The following PTPRD variants were observed in gnomAD, a reference collection of about 807,000 sequenced individuals.
PTPRD encodes protein tyrosine phosphatase receptor type D, also known as receptor-type tyrosine-protein phosphatase delta.
Under a neutral mutation model 214.5 loss-of-function variants are expected in PTPRD, and 34 were observed. The ratio of observed to expected loss-of-function variants is 0.16; its 90% CI spans 0.12 to 0.21. The LOEUF is 0.21. PTPRD is among the 10% of genes least tolerant of loss of function. The pLI, the probability that PTPRD is intolerant of heterozygous loss-of-function variation, is 1.00. For missense variants in PTPRD, 2,545 were observed against 2,398.7 expected (o/e 1.06, Z -1.27); for synonymous variants, 1,128 against 845.7 (o/e 1.33, Z -5.79).
intron 5 of PTPRD, among the ~76,000 whole-genome samples, chr9:9,904,477 C>T (rs991023864): frequency 6.6e-6 from 1 of 152,020 alleles, no homozygotes; most frequent in Non-Finnish European, 1.5e-5. Flanking sequence ...TCTGAATCCT[C>T]AATTAGACTG....
intron 8 of PTPRD, among the ~76,000 whole-genome samples, chr9:9,471,577 A>G (rs1317245768): frequency 1.3e-5 from 2 of 152,192 alleles, no homozygotes; most frequent in African/African-American, 2.4e-5. Context: ...CAAAATTGCT[A>G]TATTTTAAAA....
chr9:10,477,730 C>G (rs376998476), intron 2 of PTPRD, among the ~76,000 whole-genome samples: 5 of 152,042 alleles, frequency 3.3e-5, no homozygotes, highest in Non-Finnish European at 7.4e-5. Context: ...GGAACCAACC[C>G]AAATGCCCAT....
chr9:9,084,187 T>C (rs1175569402), intron 10 of PTPRD, among the ~76,000 whole-genome samples: 3 of 151,936 alleles, frequency 2.0e-5, no homozygotes, highest in African/African-American at 7.3e-5. Context: ...ATAAAGAAAA[T>C]GTGGCACATT....
intron 5 of PTPRD, among the ~76,000 whole-genome samples, chr9:9,767,658 G>T (rs1330852027): frequency 6.6e-6 from 1 of 151,854 alleles, no homozygotes; most frequent in South Asian, 2.1e-4. Flanking sequence ...ATATGTTCTG[G>T]CATTCTATCT....
intron 11 of PTPRD, among the ~76,000 whole-genome samples, chr9:8,738,415 T>A (rs989681428): frequency 4.6e-5 from 7 of 152,150 alleles, no homozygotes; most frequent in African/African-American, 1.7e-4. Flanking sequence ...GTATTAAAAT[T>A]TTCTTTAAAA....
intron 2 of PTPRD, among the ~76,000 whole-genome samples, chr9:10,453,641 T>A (rs1262248034): frequency 6.6e-6 from 1 of 151,714 alleles, no homozygotes; most frequent in Non-Finnish European, 1.5e-5. Flanking sequence ...CTTGTGTATG[T>A]TGATTTAGAA....
intron 9 of PTPRD, among the ~76,000 whole-genome samples, chr9:9,245,728 C>A (rs2099972772): frequency 6.6e-6 from 1 of 152,190 alleles, no homozygotes; most frequent in South Asian, 2.1e-4. Context: ...ATGTAACAAA[C>A]CTGCACGTTG....
chr9:10,474,024 C>A (rs2099047403), intron 2 of PTPRD, among the ~76,000 whole-genome samples: 1 of 151,948 alleles, frequency 6.6e-6, no homozygotes, highest in Non-Finnish European at 1.5e-5. Context: ...CCAGTCACTG[C>A]AAAAACACAC....
At chr9:9,232,772 G>C (rs1455542126) in intron 9 of PTPRD, among the ~76,000 whole-genome samples, 1 of 152,028 alleles carries the variant, frequency 6.6e-6, no homozygotes, top group African/African-American at 2.4e-5. Flanking sequence ...TTGAACTAAA[G>C]GACATTGGAA....
intron 8 of PTPRD, among the ~76,000 whole-genome samples, chr9:9,542,439 C>T (rs961389079): frequency 5.3e-5 from 8 of 151,486 alleles, no homozygotes; most frequent in African/African-American, 1.9e-4. Flanking sequence ...ATAAAAAACA[C>T]TAACAATAAA....
At chr9:8,675,179 C>G (rs1023757050) in intron 12 of PTPRD, among the ~76,000 whole-genome samples, 2 of 152,014 alleles carry the variant, frequency 1.3e-5, no homozygotes, top group Non-Finnish European at 2.9e-5. Flanking sequence ...TTGATTCCAC[C>G]CGGGTTTGAA....
At chr9:9,369,073 C>T (rs1437635745) in intron 9 of PTPRD, among the ~76,000 whole-genome samples, 1 of 152,030 alleles carries the variant, frequency 6.6e-6, no homozygotes, top group Non-Finnish European at 1.5e-5. Flanking sequence ...CATCCATGTC[C>T]CTACAAAGGA....
intron 8 of PTPRD, among the ~76,000 whole-genome samples, chr9:9,515,302 G>C (rs2096808182): frequency 6.6e-6 from 1 of 151,950 alleles, no homozygotes; most frequent in African/African-American, 2.4e-5. Context: ...TATTTGTTTG[G>C]AGTCTCCAAG....
intron 11 of PTPRD, among the ~76,000 whole-genome samples, chr9:8,903,272 G>A (rs1466450246): frequency 1.3e-5 from 2 of 152,074 alleles, no homozygotes; most frequent in South Asian, 4.1e-4. Context: ...ACTGAGCATA[G>A]TACTCGACTA....
At chr9:8,618,894 G>T (rs1595407123) in intron 14 of PTPRD, among the ~76,000 whole-genome samples, 1 of 133,806 alleles carries the variant, frequency 7.5e-6, no homozygotes, top group African/African-American at 2.9e-5. Context: ...GTGTGTGTGT[G>T]TGTTTGTCTG....
intron 9 of PTPRD, among the ~76,000 whole-genome samples, chr9:9,204,536 C>A (rs535265423): frequency 6.6e-6 from 1 of 152,220 alleles, no homozygotes; most frequent in East Asian, 1.9e-4. Flanking sequence ...ACTCACGAGT[C>A]CTTTGCTTCC....
chr9:10,227,351 G>C (rs1364413074), intron 3 of PTPRD, among the ~76,000 whole-genome samples: 1 of 152,000 alleles, frequency 6.6e-6, no homozygotes, highest in Non-Finnish European at 1.5e-5. Context: ...AAAATATGTT[G>C]TAAGGGATTA....
intron 3 of PTPRD, among the ~76,000 whole-genome samples, chr9:10,223,500 C>A (rs1168326805): frequency 6.6e-6 from 1 of 151,654 alleles, no homozygotes; most frequent in African/African-American, 2.4e-5. Context: ...CCTGTCTTTA[C>A]TAAAAATAGG....
intron 2 of PTPRD, among the ~76,000 whole-genome samples, chr9:10,419,285 T>G (rs1203490504): frequency 6.6e-6 from 1 of 151,906 alleles, no homozygotes; most frequent in East Asian, 1.9e-4. Context: ...TAGTTTCATT[T>G]CCGTAACACT....
Sources: gnomAD v4.1 joint callset for allele counts (sites outside exome capture counted in the v4.1 genomes callset) on GRCh38, gnomAD v4.1.1 for gene constraint, MANE v1.5 for transcripts, NCBI Gene and HGNC (gene_info 2026-07-23, HGNC 2026-07-21) for gene names.